MPZL1: variants seen among roughly 807,000 people sequenced by gnomAD.
The protein encoded by MPZL1 is myelin protein zero like 1.
Under a neutral mutation model 29.3 loss-of-function variants are expected in MPZL1, and 16 were observed. The ratio of observed to expected loss-of-function variants is 0.55; its 90% CI spans 0.37 to 0.83. The LOEUF (loss-of-function observed/expected upper bound fraction) is 0.83. Among genes scored for constraint, MPZL1 ranks in the 40% least tolerant of loss-of-function variants. The probability of loss-of-function intolerance (pLI) is 0.00; values close to 1 mark genes in which losing one functional copy is unlikely to be tolerated. For missense variants in MPZL1, 279 were observed against 332.9 expected (o/e 0.84, Z 1.26); for synonymous variants, 143 against 132.0 (o/e 1.08, Z -0.57).
At chr1:167,771,015 T>A (rs1661232673) in intron 2 of MPZL1, among the ~76,000 whole-genome samples, 1 of 151,822 alleles carries the variant, frequency 6.6e-6, no homozygotes, top group African/African-American at 2.4e-5. Context: ...TTTTTTTTTT[T>A]TTTTAATTGA....
Position 167,788,990 on chromosome 1 carries a change from A to G in MPZL1, c.*1069A>G, listed in dbSNP as rs1389874209. ...GCCTCCCGAGTAGCTGGAACGAACT[A>G]TAGTTGCACCACTGCAGCTGGCAAG... On this transcript the variant is annotated 3_prime_UTR_variant, in exon 6 of 6. Transcript: ENST00000359523. 6.6e-6 allele frequency: 1 copy of G among 151,376 alleles called. No homozygotes were observed. Among genetic ancestry groups the G allele is most frequent in the Admixed American group, 6.6e-5 (1 of 15,132 alleles). 9.4% of individuals were successfully genotyped at this position (151,376 alleles called of 1,614,324 possible).
intron 5 of MPZL1, among the ~76,000 whole-genome samples, chr1:167,779,514 A>C (rs1409826555): frequency 6.6e-6 from 1 of 151,414 alleles, no homozygotes; most frequent in Non-Finnish European, 1.5e-5. Context: ...AAACCACAGA[A>C]GCGGACATTG....
At chr1:167,749,570 T>G (rs746102055) in intron 1 of MPZL1, among the ~76,000 whole-genome samples, 2 of 152,202 alleles carry the variant, frequency 1.3e-5, no homozygotes, top group Non-Finnish European at 2.9e-5. Flanking sequence ...GCAAAACCCA[T>G]TCCTTCAACT....
intron 1 of MPZL1, among the ~76,000 whole-genome samples, chr1:167,739,284 T>TATATATATATATATATACATATATAC (rs1660458035): frequency 1.1e-4 from 8 of 73,996 alleles, no homozygotes; most frequent in African/African-American, 3.8e-4. Flanking sequence ...CATATATACA[T>TATATATATATATATATACATATATAC]ATATATATAT....
At chr1:167,730,223 A>G (rs1054813367) in intron 1 of MPZL1, among the ~76,000 whole-genome samples, 3 of 151,958 alleles carry the variant, frequency 2.0e-5, no homozygotes, top group Admixed American at 6.6e-5. Flanking sequence ...GTGCCACCCA[A>G]TACTCTAAAT....
intron 4 of MPZL1, chr1:167,774,738 G>C (rs976519008): frequency 6.6e-6 from 1 of 152,180 alleles, no homozygotes; most frequent in Non-Finnish European, 1.5e-5. Flanking sequence ...ACCTTGGTGT[G>C]CTGGGATCAG....
At position 167,789,689 on chromosome 1, in the gene MPZL1, G is replaced by A. The variant is rs531430751; in HGVS notation, c.*1768G>A. On this transcript the variant is annotated 3_prime_UTR_variant, in exon 6 of 6. Coordinates refer to ENST00000359523, the MANE Select transcript of MPZL1 (RefSeq NM_003953.6). ...ATCTGTGTGAGTCAACAGGGATCAG[G>A]TTTGGTCACCACACATGTCTGAAGC... is the stretch of plus-strand genomic sequence containing the variant. The A allele has an allele frequency of 6.6e-6, 1 of 152,260 alleles. No individual in the cohort carries two copies. Among genetic ancestry groups the A allele is most frequent in the Admixed American group, 6.5e-5 (1 of 15,308 alleles). The allele number at this position is 152,260 out of a possible 1,614,324, so 9.4% of individuals were successfully genotyped here.
At position 167,790,622 on chromosome 1, in the gene MPZL1, C is replaced by T. The variant is rs1250395337; in HGVS notation, c.*2701C>T. ...TGCCCTCTCCATGTCTTCGTCCTGG[C>T]AAACAGGGTCGTCTTAAAATTATGC... On this transcript the variant is annotated 3_prime_UTR_variant, in exon 6 of 6. Coordinates refer to ENST00000359523, the MANE Select transcript of MPZL1 (RefSeq NM_003953.6). 1 of 152,168 alleles carries T rather than the reference C, an allele frequency of 6.6e-6. No individual in the cohort carries two copies. The highest frequency in any genetic ancestry group is 2.4e-5 in the African/African-American group (1 of 41,432). The allele number at this position is 152,168 out of a possible 1,614,324, so 9.4% of individuals were successfully genotyped here. A position where few individuals can be genotyped will look rare whatever the true frequency, so the allele number is the denominator to read the frequency against.
At chr1:167,752,281 A>G (rs1325226959) in intron 1 of MPZL1, among the ~76,000 whole-genome samples, 3 of 152,358 alleles carry the variant, frequency 2.0e-5, no homozygotes, top group African/African-American at 7.2e-5. Flanking sequence ...AATTAGCTAC[A>G]TATAGTCTAT....
At chr1:167,734,199 C>G (rs1489454984) in intron 1 of MPZL1, among the ~76,000 whole-genome samples, 1 of 150,224 alleles carries the variant, frequency 6.7e-6, no homozygotes, top group Admixed American at 6.6e-5. Context: ...GAGCTTGCAA[C>G]GAGCCAAGAT....
rs750771385 is a variant in MPZL1 at position 167,772,483 on chromosome 1, A to G, written c.467A>G (p.Glu156Gly). 6.2e-7 allele frequency: 1 copy of G among 1,611,592 alleles called. No individual in the cohort carries two copies. Among genetic ancestry groups the G allele is most frequent in the Non-Finnish European group, 8.5e-7 (1 of 1,178,536 alleles). Residue 156 changes from glutamate (E) to glycine (G), a missense_variant, in exon 3 of 6, where the codon GAA becomes GGA. Coordinates refer to ENST00000359523, the MANE Select transcript of MPZL1 (RefSeq NM_003953.6). ...QPGHIRLYVV[E>G]KENLPVFPVW... ...GGACACATTAGGCTCTATGTCGTAG[A>G]AAAAGGTACTTCCTTGAGTATTTTG...
rs12075456 is a variant in MPZL1, at chr1:167,739,288, T to C, written c.91+17046T>C. 1.2e-3 allele frequency among the ~76,000 whole-genome samples: 134 copies of C among 108,152 alleles called. 1 individual carries two copies. The highest frequency in any genetic ancestry group is 7.1e-3 in the African/African-American group (119 of 16,668). The allele number at this position is 108,152 out of a possible 152,430, so 71.0% of individuals were successfully genotyped here. On this transcript the variant is annotated intron_variant, in intron 1 of 5. Coordinates refer to ENST00000359523, the MANE Select transcript of MPZL1 (RefSeq NM_003953.6). ...ATACATATATACATATATACATATA[T>C]ATATATATATATATATATATACACA...
chr1:167,755,243 G>A lies in MPZL1; in HGVS notation c.92-10340G>A, dbSNP rs77015122. On this transcript the variant is annotated intron_variant, in intron 1 of 5. Transcript: ENST00000359523. ...GAATATATTCTTATTGCCATCGACC[G>A]TAGGCGTATTCTTTCCAATCTCTTG... Among the ~76,000 whole-genome samples, 1,173 of 152,216 alleles carry A rather than the reference G, an allele frequency of 7.7e-3. 19 individuals carry two copies. Among genetic ancestry groups the A allele is most frequent in the African/African-American group, 0.027 (1,109 of 41,510 alleles).
chr1:167,783,237 G>T (rs894297228), intron 5 of MPZL1, among the ~76,000 whole-genome samples: 6 of 152,202 alleles, frequency 3.9e-5, no homozygotes, highest in African/African-American at 1.4e-4. Context: ...CCAAACTGGG[G>T]CTCTTCCAGC....
chr1:167,784,874 G>C (rs955557247), intron 5 of MPZL1, among the ~76,000 whole-genome samples: 5 of 152,204 alleles, frequency 3.3e-5, no homozygotes, highest in Admixed American at 3.3e-4. Context: ...TCAGCAGGAA[G>C]GGATTTCTTC....
chr1:167,742,930 G>GA (rs1350491023), intron 1 of MPZL1, among the ~76,000 whole-genome samples: 1 of 152,026 alleles, frequency 6.6e-6, no homozygotes, highest in East Asian at 1.9e-4. Flanking sequence ...CTTTGTCAAT[G>GA]ATCAGTAGGC....
intron 1 of MPZL1, among the ~76,000 whole-genome samples, chr1:167,762,736 T>G (rs1661015118): frequency 6.6e-6 from 1 of 152,168 alleles, no homozygotes; most frequent in African/African-American, 2.4e-5. Flanking sequence ...TAGAAATGAG[T>G]GGCTGGGGTA....
intron 1 of MPZL1, among the ~76,000 whole-genome samples, chr1:167,747,854 T>C (rs1660677777): frequency 6.6e-6 from 1 of 152,198 alleles, no homozygotes; most frequent in Admixed American, 6.5e-5. Flanking sequence ...ATTACTTATA[T>C]AATATTAGAA....
chr1:167,723,105 T>C (rs1271045287), intron 1 of MPZL1, among the ~76,000 whole-genome samples: 1 of 152,246 alleles, frequency 6.6e-6, no homozygotes, highest in Non-Finnish European at 1.5e-5. Flanking sequence ...ACAGGACTTT[T>C]CTGTGTTGTT....
Sources: gnomAD v4.1 joint callset for allele counts (sites outside exome capture counted in the v4.1 genomes callset) on GRCh38, gnomAD v4.1.1 for gene constraint, MANE v1.5 for transcripts, NCBI Gene and HGNC (gene_info 2026-07-23, HGNC 2026-07-21) for gene names.